The following ZDHHC2 variants were observed in gnomAD, a reference collection of about 807,000 sequenced individuals.
ZDHHC2 encodes zDHHC palmitoyltransferase 2.
A neutral mutation model predicts 55.6 loss-of-function variants in ZDHHC2; 51 were observed. The observed-to-expected ratio is 0.92, with a 90% CI of 0.73 to 1.16. ZDHHC2 has a LOEUF of 1.16. ZDHHC2 is among the 50% of genes most tolerant of loss of function. ZDHHC2 has a pLI of 0.00. For synonymous variants in ZDHHC2, 199 were observed against 152.9 expected, an observed-to-expected ratio of 1.30 and a Z score of -2.22; for missense variants, 491 against 442.4, an observed-to-expected ratio of 1.11 and a Z score of -0.99.
intron 6 of ZDHHC2, among the ~76,000 whole-genome samples, chr8:17,199,637 T>TCTCCTCCTC (rs377155242): frequency 5.1e-5 from 5 of 98,434 alleles, no homozygotes; most frequent in Non-Finnish European, 1.3e-4. Context: ...TTCTTCTTCT[T>TCTCCTCCTC]CTCCTCCTCC....
intron 4 of ZDHHC2, among the ~76,000 whole-genome samples, chr8:17,196,310 A>T (rs1806305033): frequency 6.6e-6 from 1 of 152,124 alleles, no homozygotes; most frequent in Non-Finnish European, 1.5e-5. Flanking sequence ...TGAGCGCTTG[A>T]AGTATGGCCA....
At chr8:17,201,481 CTTTT>C (rs1171396792) in intron 6 of ZDHHC2, among the ~76,000 whole-genome samples, 576 of 23,968 alleles carry the variant, frequency 0.024, 4 homozygotes, top group African/African-American at 0.064. Flanking sequence ...CTCTCTCTCT[CTTTT>C]TTTTTTTTTT....
intron 1 of ZDHHC2, among the ~76,000 whole-genome samples, chr8:17,180,121 G>C (rs931950234): frequency 6.6e-6 from 1 of 152,150 alleles, no homozygotes; most frequent in Non-Finnish European, 1.5e-5. Context: ...GGAATAAACT[G>C]CACCTAACTT....
chr8:17,210,501 A>C, intron 10 of ZDHHC2, 21 bp downstream of exon 10: 1 of 1,574,972 alleles, frequency 6.3e-7, no homozygotes, highest in Non-Finnish European at 8.6e-7. Context: ...ATTTTTTTTC[A>C]TTTTACTTTC....
intron 1 of ZDHHC2, among the ~76,000 whole-genome samples, chr8:17,175,952 G>T (rs757570779): frequency 1.3e-5 from 2 of 152,200 alleles, no homozygotes; most frequent in Non-Finnish European, 2.9e-5. Context: ...CAGGAGCTCA[G>T]TGTGGCTGCA....
At chr8:17,190,935 C>G (rs536425990) in intron 3 of ZDHHC2, among the ~76,000 whole-genome samples, 41 of 137,538 alleles carry the variant, frequency 3.0e-4, no homozygotes, top group African/African-American at 1.0e-3. Flanking sequence ...CTGTCAAATA[C>G]TAGGTCTTAT....
At chr8:17,188,885 C>T (rs757535086) in intron 3 of ZDHHC2, among the ~76,000 whole-genome samples, 4 of 152,172 alleles carry the variant, frequency 2.6e-5, no homozygotes, top group Non-Finnish European at 5.9e-5. Context: ...TTTCACTCTT[C>T]TGTTCAGGCC....
At chr8:17,164,673 T>C (rs1047217983) in intron 1 of ZDHHC2, among the ~76,000 whole-genome samples, 10 of 152,226 alleles carry the variant, frequency 6.6e-5, no homozygotes, top group African/African-American at 1.9e-4. Flanking sequence ...GGTAGTTGTC[T>C]ATCTTCATGA....
In ZDHHC2 at chr8:17,198,522, A is replaced by C. The variant is rs1563160302; in HGVS notation, c.476+109A>C. 3.9e-6 allele frequency: 4 copies of C among 1,035,690 alleles called. No individual in the cohort carries two copies. In the Admixed American group the frequency reaches 1.4e-4, roughly 35 times the overall value. 64.2% of individuals were successfully genotyped at this position (1,035,690 alleles called of 1,614,324 possible). On this transcript the variant is annotated intron_variant, in intron 6 of 12. Transcript: ENST00000262096. The stretch of plus-strand genomic sequence containing the variant: ...CACATGAAATATTACTTGAGTTGAC[A>C]TAGCAGGAACTTTTGGATTTAGTTT...
chr8:17,202,828 A>G (rs115645269), intron 6 of ZDHHC2, among the ~76,000 whole-genome samples: 1 of 151,932 alleles, frequency 6.6e-6, no homozygotes, highest in Admixed American at 6.6e-5. Flanking sequence ...TATGGTCTTC[A>G]TTTACTGACC....
intron 8 of ZDHHC2, among the ~76,000 whole-genome samples, chr8:17,208,738 G>A (rs1807228781): frequency 6.6e-6 from 1 of 152,160 alleles, no homozygotes. Flanking sequence ...TACTGATAAA[G>A]TAATTTCTAA....
At chr8:17,206,284 T>C (rs1585728804) in intron 7 of ZDHHC2, among the ~76,000 whole-genome samples, 1 of 152,226 alleles carries the variant, frequency 6.6e-6, no homozygotes, top group Non-Finnish European at 1.5e-5. Flanking sequence ...GCATGAGTTA[T>C]AGTACTGTTA....
intron 1 of ZDHHC2, among the ~76,000 whole-genome samples, chr8:17,168,706 C>T (rs900938838): frequency 2.6e-5 from 4 of 152,106 alleles, no homozygotes; most frequent in Non-Finnish European, 5.9e-5. Flanking sequence ...TCCGTGAGTC[C>T]AACTGTCCAG....
intron 3 of ZDHHC2, among the ~76,000 whole-genome samples, chr8:17,187,038 C>T (rs557367376): frequency 6.6e-6 from 1 of 152,192 alleles, no homozygotes; most frequent in Admixed American, 6.5e-5. Flanking sequence ...AGAACACTTT[C>T]TAGACATTGC....
In ZDHHC2 at chr8:17,207,241, G is replaced by A. The variant is rs552305591; in HGVS notation, c.598-719G>A. Among the ~76,000 whole-genome samples the A allele has an allele frequency of 8.5e-4, 130 of 152,270 alleles. 1 individual carries two copies. The highest frequency in any genetic ancestry group is 3.4e-3 in the Middle Eastern group (1 of 294). On this transcript the variant is annotated intron_variant, in intron 7 of 12. Coordinates refer to ENST00000262096, the MANE Select transcript of ZDHHC2 (RefSeq NM_016353.5). Reference sequence around the variant, plus strand: ...CACCTCGTGGCAGCCATGGTGCTTCGATAGGTGTCCATAGCCCCAAGCCCT... The same window carrying A: ...CACCTCGTGGCAGCCATGGTGCTTCAATAGGTGTCCATAGCCCCAAGCCCT...
chr8:17,162,863 C>T (rs547057378), intron 1 of ZDHHC2: 1 of 152,264 alleles, frequency 6.6e-6, no homozygotes, highest in East Asian at 1.9e-4. Context: ...AACAATGAGG[C>T]AGGTAAAAAG....
Position 17,198,304 on chromosome 8 carries a change from A to C in ZDHHC2, c.444-77A>C, listed in dbSNP as rs563310088. The C allele has an allele frequency of 4.3e-4, 581 of 1,360,138 alleles. 1 individual carries two copies. The highest frequency in any genetic ancestry group is 5.5e-4 in the Non-Finnish European group (560 of 1,018,396). The allele number at this position is 1,360,138 out of a possible 1,614,324, so 84.3% of individuals were successfully genotyped here. A position where few individuals can be genotyped will look rare whatever the true frequency, so the allele number is the denominator to read the frequency against. ...CTTGCCGCAGCTGTTTGAACTAACC[A>C]TAATTTATATTTTTATAATTTAATA... On this transcript the variant is annotated intron_variant, in intron 5 of 12. Transcript: ENST00000262096.
In ZDHHC2 at chr8:17,219,079, A is replaced by C. The variant is rs181338180; in HGVS notation, c.*35-1177A>C. On this transcript the variant is annotated intron_variant, in intron 12 of 12. Coordinates refer to ENST00000262096, the MANE Select transcript of ZDHHC2 (RefSeq NM_016353.5). ...AGCCTAACCAACAAGGTGAAACCCC[A>C]TCTCTACTAAAAATACAAAAATTAG... Among the ~76,000 whole-genome samples, 468 of 151,884 alleles carry C rather than the reference A, an allele frequency of 3.1e-3. 6 individuals are homozygous for C. The highest frequency in any genetic ancestry group is 0.011 in the African/African-American group (447 of 41,428).
intron 1 of ZDHHC2, among the ~76,000 whole-genome samples, chr8:17,177,752 T>TTG (rs10570051): frequency 2.7e-3 from 402 of 148,818 alleles, no homozygotes; most frequent in African/African-American, 3.6e-3. Context: ...TTTGGGGTGT[T>TTG]TGTGTGTGTG....
Sources: gnomAD v4.1 joint callset for allele counts (sites outside exome capture counted in the v4.1 genomes callset) on GRCh38, gnomAD v4.1.1 for gene constraint, MANE v1.5 for transcripts, NCBI Gene and HGNC (gene_info 2026-07-23, HGNC 2026-07-21) for gene names.